The following PPFIBP1 variants were observed in gnomAD, a reference collection of about 807,000 sequenced individuals.
PPFIBP1 encodes liprin-beta-1.
In PPFIBP1, 112 loss-of-function variants were observed where a neutral mutation model predicts 137.8. The observed-to-expected ratio is 0.81, with a 90% confidence interval of 0.70 to 0.95. The LOEUF is 0.95. Among genes scored for constraint, PPFIBP1 ranks in the 40% least tolerant of loss-of-function variants. PPFIBP1 has a pLI of 0.00. For synonymous variants in PPFIBP1, 378 were observed against 417.3 expected (o/e 0.91, Z 1.15); for missense variants, 1,083 against 1,196.6 (o/e 0.91, Z 1.40).
intron 9 of PPFIBP1, among the ~76,000 whole-genome samples, chr12:27,657,749 A>G (rs1299196472): frequency 6.6e-6 from 1 of 152,008 alleles, no homozygotes; most frequent in Non-Finnish European, 1.5e-5. Context: ...TTTGGCATAT[A>G]TATAATTGTG....
intron 2 of PPFIBP1, among the ~76,000 whole-genome samples, chr12:27,594,888 A>G (rs1188956130): frequency 6.6e-6 from 1 of 152,236 alleles, no homozygotes; most frequent in Non-Finnish European, 1.5e-5. Flanking sequence ...ACATCAGTTG[A>G]AACAGATTAT....
intron 2 of PPFIBP1, among the ~76,000 whole-genome samples, chr12:27,613,692 G>C (rs1223655050): frequency 7.1e-6 from 1 of 140,080 alleles, no homozygotes; most frequent in Non-Finnish European, 1.5e-5. Flanking sequence ...AACAGAGCAA[G>C]ACTCCATCTC....
chr12:27,595,889 ATATATATAT>A (rs1181479274), intron 2 of PPFIBP1, among the ~76,000 whole-genome samples: 4,850 of 88,694 alleles, frequency 0.055, 92 homozygotes, highest in Non-Finnish European at 0.068. Flanking sequence ...ACAACAAAAT[ATATATATAT>A]ATATATATAT....
intron 25 of PPFIBP1, chr12:27,688,088 A>T: frequency 2.3e-6 from 1 of 438,036 alleles, no homozygotes; most frequent in East Asian, 4.4e-5. Context: ...CCCTGTCTTA[A>T]AAAAAAAAAA....
intron 10 of PPFIBP1, among the ~76,000 whole-genome samples, chr12:27,660,244 C>T (rs1005907507): frequency 6.6e-6 from 1 of 152,106 alleles, no homozygotes; most frequent in African/African-American, 2.4e-5. Context: ...ATTCAAGTAA[C>T]ATGCTTTTGT....
At chr12:27,599,114 T>A (rs1380414904) in intron 2 of PPFIBP1, among the ~76,000 whole-genome samples, 4 of 152,236 alleles carry the variant, frequency 2.6e-5, no homozygotes, top group Non-Finnish European at 2.9e-5. Flanking sequence ...GTTATGATGC[T>A]TAATTTTATG....
intron 1 of PPFIBP1, among the ~76,000 whole-genome samples, chr12:27,525,034 GC>G (rs1943568982): frequency 6.6e-6 from 1 of 152,126 alleles, no homozygotes; most frequent in South Asian, 2.1e-4. Context: ...TAGGATGGCT[GC>G]TGAGAATCTT....
At chr12:27,578,009 A>C (rs935086025) in intron 1 of PPFIBP1, 143 bp from the exon 2 acceptor site, 23 of 152,130 alleles carry the variant, frequency 1.5e-4, no homozygotes, top group African/African-American at 5.3e-4. Flanking sequence ...GAATGGAAGG[A>C]AGTCCTTAAC....
chr12:27,614,231 T>C (rs1444280059), intron 2 of PPFIBP1, among the ~76,000 whole-genome samples: 1 of 151,910 alleles, frequency 6.6e-6, no homozygotes, highest in African/African-American at 2.4e-5. Context: ...TAAAATAAAT[T>C]AGCCAAGTGT....
intron 1 of PPFIBP1, among the ~76,000 whole-genome samples, chr12:27,574,562 G>A (rs7961770): frequency 0.015 from 2,346 of 152,216 alleles, 52 homozygotes; most frequent in African/African-American, 0.052. Context: ...GGTCTTAAAA[G>A]TCCATGGAAG....
intron 1 of PPFIBP1, among the ~76,000 whole-genome samples, chr12:27,528,632 A>G (rs1944049134): frequency 6.6e-6 from 1 of 152,206 alleles, no homozygotes; most frequent in Non-Finnish European, 1.5e-5. Context: ...CTGATGCTCA[A>G]TTGGTGTTCA....
chr12:27,581,797 A>C (rs1238315310), intron 2 of PPFIBP1, among the ~76,000 whole-genome samples: 1 of 152,122 alleles, frequency 6.6e-6, no homozygotes, highest in African/African-American at 2.4e-5. Context: ...TGATAACTGG[A>C]CAATATATAA....
At chr12:27,539,509 T>C (rs1423548079) in intron 1 of PPFIBP1, among the ~76,000 whole-genome samples, 1 of 152,208 alleles carries the variant, frequency 6.6e-6, no homozygotes, top group Non-Finnish European at 1.5e-5. Flanking sequence ...AAACCTGTTT[T>C]GATACGTGAG....
rs2140715999 is a variant in PPFIBP1, at chr12:27,695,256, A to C, written c.*2374A>C. The C allele has an allele frequency of 6.6e-6, 1 of 152,204 alleles. No homozygotes were observed. The highest frequency in any genetic ancestry group is 2.1e-4 in the South Asian group (1 of 4,818). The allele number at this position is 152,204 out of a possible 1,614,324, so 9.4% of individuals were successfully genotyped here. On this transcript the variant is annotated 3_prime_UTR_variant, in exon 30 of 30. Coordinates refer to ENST00000228425, the MANE Select transcript of PPFIBP1 (RefSeq NM_003622.4). ...CTCAGCTTCCCAAGCAGCTGGGACT[A>C]CAGGTACCTGCCACCACGCCTGGCT... is the stretch of plus-strand genomic sequence containing the variant.
intron 4 of PPFIBP1, chr12:27,635,844 T>C (rs2057628429): frequency 6.6e-6 from 1 of 152,270 alleles, no homozygotes; most frequent in Non-Finnish European, 1.5e-5. Context: ...TGGGCACGGT[T>C]GGAAATACTG....
chr12:27,682,726 T>G (rs1414742477), intron 24 of PPFIBP1, 23 bp downstream of exon 24: 1 of 1,613,140 alleles, frequency 6.2e-7, no homozygotes, highest in Non-Finnish European at 8.5e-7. Context: ...CTCCTGGGGT[T>G]TGGGGGAGGA....
At chr12:27,655,545 G>C (rs551584938) in intron 8 of PPFIBP1, among the ~76,000 whole-genome samples, 1 of 152,152 alleles carries the variant, frequency 6.6e-6, no homozygotes, top group South Asian at 2.1e-4. Flanking sequence ...ATTCTGTTTC[G>C]TATCCACAGT....
rs573186526 is a variant in PPFIBP1, at chr12:27,560,760, T to C, written c.-123-17392T>C. On this transcript the variant is annotated intron_variant, in intron 1 of 29. Transcript: ENST00000228425. ...AGTCAGGATCTAAATCCAGCCCTCC[T>C]GGTCCAGAGGTTTATCCTTGTGATC... 1.1e-4 allele frequency among the ~76,000 whole-genome samples: 17 copies of C among 152,348 alleles called. No homozygotes were observed. In the South Asian group the frequency reaches 3.5e-3, roughly 32 times the overall value.
intron 1 of PPFIBP1, among the ~76,000 whole-genome samples, chr12:27,577,791 G>C (rs2050697193): frequency 3.3e-5 from 5 of 151,980 alleles, no homozygotes; most frequent in Admixed American, 3.3e-4. Context: ...GCAAAACCGT[G>C]GTTCATTCAT....
Sources: gnomAD v4.1 joint callset for allele counts (sites outside exome capture counted in the v4.1 genomes callset) on GRCh38, gnomAD v4.1.1 for gene constraint, MANE v1.5 for transcripts, NCBI Gene and HGNC (gene_info 2026-07-23, HGNC 2026-07-21) for gene names.